RXFP1: variants seen among roughly 807,000 people sequenced by gnomAD.
The protein encoded by RXFP1 is relaxin receptor 1.
A neutral mutation model predicts 89.8 loss-of-function variants in RXFP1; 73 were observed. The observed-to-expected ratio is 0.81, with a 90% CI of 0.67 to 0.99. The LOEUF is 0.99. RXFP1 is among the 50% of genes least tolerant of loss of function. The pLI, the probability that RXFP1 is intolerant of heterozygous loss-of-function variation, is 0.00. For missense variants in RXFP1, 793 were observed against 895.5 expected (o/e 0.89, Z 1.46); for synonymous variants, 277 against 305.5 (o/e 0.91, Z 0.97).
At chr4:158,554,127 TC>T (rs1750747710) in intron 1 of RXFP1, among the ~76,000 whole-genome samples, 1 of 151,770 alleles carries the variant, frequency 6.6e-6, no homozygotes, top group South Asian at 2.1e-4. Context: ...GTCCCCTGGG[TC>T]CAAAATAATC....
At chr4:158,646,638 T>C in intron 15 of RXFP1, 153 bp from the exon 16 acceptor site, 1 of 1,427,330 alleles carries the variant, frequency 7.0e-7, no homozygotes, top group South Asian at 1.6e-5. Flanking sequence ...TAGATCCTCA[T>C]CTGTAAATGA....
At chr4:158,559,739 T>C (rs1021260588) in intron 1 of RXFP1, among the ~76,000 whole-genome samples, 3 of 152,218 alleles carry the variant, frequency 2.0e-5, no homozygotes, top group African/African-American at 7.2e-5. Context: ...GAATTGCAGT[T>C]GTCTTTTCAA....
chr4:158,547,446 T>G (rs1235883841), intron 1 of RXFP1, among the ~76,000 whole-genome samples: 1 of 152,210 alleles, frequency 6.6e-6, no homozygotes, highest in Non-Finnish European at 1.5e-5. Context: ...TGTCTCTATT[T>G]CCTTCAGTTC....
chr4:158,647,230 A>G (rs767515276), intron 16 of RXFP1, 29 bp downstream of exon 16: 1 of 1,516,676 alleles, frequency 6.6e-7, no homozygotes, highest in African/African-American at 1.4e-5. Flanking sequence ...AATGTTCACA[A>G]ATTTTTATTT....
chr4:158,642,265 T>A (rs1000734367), intron 14 of RXFP1, among the ~76,000 whole-genome samples: 1 of 152,172 alleles, frequency 6.6e-6, no homozygotes, highest in Non-Finnish European at 1.5e-5. Flanking sequence ...AATTAGCATA[T>A]CCATCCTCTC....
At position 158,526,235 on chromosome 4, in the gene RXFP1, A is replaced by G. The variant is rs75631494; in HGVS notation, c.49+4210A>G. ...GTATATGTAAATAATTTGAATATATAGAAAGCACTTTTGTTTGCAGCACAT... is the reference window on the plus strand; with the variant it reads ...GTATATGTAAATAATTTGAATATATGGAAAGCACTTTTGTTTGCAGCACAT... On this transcript the variant is annotated intron_variant, in intron 1 of 17. Transcript: ENST00000307765. Among the ~76,000 whole-genome samples, 22 of 152,374 alleles carry G rather than the reference A, an allele frequency of 1.4e-4. No homozygotes were observed. In the East Asian group the frequency reaches 4.2e-3, roughly 29 times the overall value.
rs55944906 is a variant in RXFP1, at chr4:158,562,523, CAAAAA to C, written c.50-10151_50-10147del. ...TGGGCGACAGAGCGAGACTCCGTCT[CAAAAA>C]AAAAAAAAAAAAAAAAAAAAAAATA... On this transcript the variant is annotated intron_variant, in intron 1 of 17. Coordinates refer to ENST00000307765, the MANE Select transcript of RXFP1 (RefSeq NM_021634.4). Among the ~76,000 whole-genome samples, 210 of 25,326 alleles carry C rather than the reference CAAAAA, an allele frequency of 8.3e-3. 2 individuals carry two copies. Among genetic ancestry groups the C allele is most frequent in the South Asian group, 0.051 (16 of 314 alleles). 16.6% of individuals were successfully genotyped at this position (25,326 alleles called of 152,430 possible). A position where few individuals can be genotyped will look rare whatever the true frequency, so the allele number is the denominator to read the frequency against.
At chr4:158,642,372 G>A (rs1770545204) in intron 14 of RXFP1, among the ~76,000 whole-genome samples, 2 of 152,038 alleles carry the variant, frequency 1.3e-5, no homozygotes, top group Non-Finnish European at 2.9e-5. Context: ...TCCTACCATG[G>A]TATAGAATAT....
intron 9 of RXFP1, among the ~76,000 whole-genome samples, 163 bp downstream of exon 9, chr4:158,617,368 T>A (rs897775966): frequency 6.6e-6 from 1 of 151,224 alleles, no homozygotes; most frequent in Non-Finnish European, 1.5e-5. Flanking sequence ...ATGTTAAACA[T>A]CTACATTATC....
intron 1 of RXFP1, among the ~76,000 whole-genome samples, chr4:158,537,072 A>G (rs1156795833): frequency 3.3e-5 from 5 of 152,034 alleles, no homozygotes; most frequent in Non-Finnish European, 7.4e-5. Context: ...GCACCAACCT[A>G]AAAGAAACCT....
chr4:158,613,100 A>C (rs1380159042), intron 8 of RXFP1, among the ~76,000 whole-genome samples: 1 of 152,230 alleles, frequency 6.6e-6, no homozygotes, highest in African/African-American at 2.4e-5. Context: ...GTGTGCAATA[A>C]CATTATGTTT....
chr4:158,640,879 A>G (rs1319883059), intron 14 of RXFP1, among the ~76,000 whole-genome samples: 7 of 152,248 alleles, frequency 4.6e-5, no homozygotes, highest in Non-Finnish European at 7.3e-5. Context: ...GATTCAAGCA[A>G]GCGTGCATGG....
intron 8 of RXFP1, among the ~76,000 whole-genome samples, chr4:158,614,100 TA>T (rs1169547252): frequency 1.3e-5 from 2 of 152,166 alleles, no homozygotes; most frequent in East Asian, 1.9e-4. Context: ...AGAGTGGGCT[TA>T]AAATGTTTAG....
chr4:158,551,562 A>G lies in RXFP1; in HGVS notation c.50-21136A>G, dbSNP rs867306459. Among the ~76,000 whole-genome samples the G allele has an allele frequency of 1.5e-4, 23 of 152,234 alleles. 1 individual carries two copies. Among genetic ancestry groups the G allele is most frequent in the African/African-American group, 5.5e-4 (23 of 41,468 alleles). On this transcript the variant is annotated intron_variant, in intron 1 of 17. Coordinates refer to ENST00000307765, the MANE Select transcript of RXFP1 (RefSeq NM_021634.4). ...TGATTATGTTAATTGGTTTGATTTA[A>G]TCATTTCACAATGTATACATATATC...
At chr4:158,538,383 A>G (rs1414419476) in intron 1 of RXFP1, among the ~76,000 whole-genome samples, 1 of 152,260 alleles carries the variant, frequency 6.6e-6, no homozygotes, top group Non-Finnish European at 1.5e-5. Flanking sequence ...AAGTTGACTC[A>G]TTTCAGATAG....
chr4:158,571,055 A>T (rs996280371), intron 1 of RXFP1, among the ~76,000 whole-genome samples: 33 of 152,238 alleles, frequency 2.2e-4, no homozygotes, highest in African/African-American at 7.5e-4. Context: ...GCCTCCCTCT[A>T]ACTACCCCTT....
intron 13 of RXFP1, 29 bp downstream of exon 13, chr4:158,638,108 AT>A: frequency 7.5e-7 from 1 of 1,337,764 alleles, no homozygotes; most frequent in Non-Finnish European, 1.1e-6. Context: ...GGATAGTTTT[AT>A]GATAAAATTG....
At chr4:158,596,593 C>T (rs1760665731) in intron 3 of RXFP1, among the ~76,000 whole-genome samples, 1 of 152,118 alleles carries the variant, frequency 6.6e-6, no homozygotes, top group Admixed American at 6.6e-5. Flanking sequence ...CTTTTAATAC[C>T]TCACCTTATT....
chr4:158,569,283 A>T (rs556577281), intron 1 of RXFP1, among the ~76,000 whole-genome samples: 1 of 152,370 alleles, frequency 6.6e-6, no homozygotes, highest in East Asian at 1.9e-4. Flanking sequence ...AGATAGTAAA[A>T]TGTTCAGTGG....
Sources: gnomAD v4.1 joint callset for allele counts (sites outside exome capture counted in the v4.1 genomes callset) on GRCh38, gnomAD v4.1.1 for gene constraint, MANE v1.5 for transcripts, NCBI Gene and HGNC (gene_info 2026-07-23, HGNC 2026-07-21) for gene names.